EYS: variants seen among roughly 807,000 people sequenced by gnomAD.
EYS encodes EGF-like photoreceptor maintenance factor, also known as protein eyes shut homolog.
EYS carries 250 observed loss-of-function variants against 282.1 expected under a neutral mutation model. That is an observed-to-expected ratio of 0.89 (90% CI 0.80 to 0.98). The LOEUF is 0.98. Among genes scored for constraint, EYS ranks in the 50% least tolerant of loss-of-function variants. The pLI is 0.00. For synonymous variants in EYS, 1,355 were observed against 1,282.9 expected (o/e 1.06, Z -1.20); for missense variants, 4,016 against 3,709.0 (o/e 1.08, Z -2.15).
At chr6:65,464,842 G>A (rs1235559733) in intron 5 of EYS, among the ~76,000 whole-genome samples, 1 of 152,138 alleles carries the variant, frequency 6.6e-6, no homozygotes, top group East Asian at 1.9e-4. Flanking sequence ...CTTACCTTGT[G>A]TTCCACGTGT....
intron 14 of EYS, among the ~76,000 whole-genome samples, chr6:64,983,433 T>C (rs1189879256): frequency 2.0e-5 from 3 of 151,238 alleles, no homozygotes; most frequent in African/African-American, 7.3e-5. Context: ...ATAATAAATA[T>C]ATATAGCTTC....
intron 22 of EYS, among the ~76,000 whole-genome samples, chr6:64,723,275 C>T (rs537230603): frequency 1.3e-4 from 19 of 151,890 alleles, no homozygotes; most frequent in African/African-American, 3.1e-4. Context: ...AACAGGAAAA[C>T]GAGACAAATA....
At chr6:65,219,812 C>CAGGCAAGAGAGAATGAG (rs1319625463) in intron 12 of EYS, among the ~76,000 whole-genome samples, 1 of 152,030 alleles carries the variant, frequency 6.6e-6, no homozygotes, top group Non-Finnish European at 1.5e-5. Context: ...TACATGGCGG[C>CAGGCAAGAGAGAATGAG]AGGCAAGAGA....
chr6:65,280,863 A>AT (rs796107628), intron 12 of EYS, among the ~76,000 whole-genome samples: 3,225 of 134,758 alleles, frequency 0.024, 48 homozygotes, highest in Middle Eastern at 0.042. Context: ...ACTAAAAAAA[A>AT]AAATATATAT....
At chr6:65,330,716 C>G (rs1273944720) in intron 11 of EYS, 1 of 951,798 alleles carries the variant, frequency 1.1e-6, no homozygotes, top group Non-Finnish European at 1.3e-6. Flanking sequence ...ATTATTTTGC[C>G]TTATAAATTG....
At chr6:65,294,354 A>T (rs1768606070) in intron 12 of EYS, among the ~76,000 whole-genome samples, 1 of 151,968 alleles carries the variant, frequency 6.6e-6, no homozygotes. Flanking sequence ...GGAAAGAAAA[A>T]GACACAATAG....
At chr6:65,055,999 A>C (rs1332686000) in intron 13 of EYS, among the ~76,000 whole-genome samples, 1 of 152,070 alleles carries the variant, frequency 6.6e-6, no homozygotes, top group Non-Finnish European at 1.5e-5. Context: ...CCACTTCATT[A>C]AGTTCAAAGT....
At chr6:64,897,591 G>A (rs570790884) in intron 18 of EYS, among the ~76,000 whole-genome samples, 2 of 152,292 alleles carry the variant, frequency 1.3e-5, no homozygotes, top group South Asian at 4.1e-4. Context: ...AACAAAACTG[G>A]ATGGAGAATG....
intron 34 of EYS, among the ~76,000 whole-genome samples, chr6:63,990,516 G>C (rs932751367): frequency 2.0e-5 from 3 of 151,684 alleles, no homozygotes; most frequent in African/African-American, 7.3e-5. Flanking sequence ...GGAGCTGTTT[G>C]AGTGATTGGA....
intron 29 of EYS, among the ~76,000 whole-genome samples, chr6:64,348,182 C>T (rs895315740): frequency 6.6e-6 from 1 of 151,348 alleles, no homozygotes; most frequent in Non-Finnish European, 1.5e-5. Flanking sequence ...CTATTGAGCA[C>T]TATTATGCAC....
intron 15 of EYS, among the ~76,000 whole-genome samples, chr6:64,934,583 T>C (rs1768842980): frequency 6.6e-6 from 1 of 151,690 alleles, no homozygotes; most frequent in South Asian, 2.1e-4. Flanking sequence ...AGCCACCATG[T>C]AGATAAGAAA....
At chr6:65,698,247 A>T (rs1562335315) in intron 1 of EYS, among the ~76,000 whole-genome samples, 1 of 152,114 alleles carries the variant, frequency 6.6e-6, no homozygotes, top group Non-Finnish European at 1.5e-5. Flanking sequence ...AAAATTTGTA[A>T]ATTTTTTATT....
chr6:65,543,560 T>C (rs1307403433), intron 2 of EYS, among the ~76,000 whole-genome samples: 1 of 151,306 alleles, frequency 6.6e-6, no homozygotes, highest in Non-Finnish European at 1.5e-5. Flanking sequence ...TATCTCTTCA[T>C]AGAAAAGGGA....
At chr6:64,031,224 C>T (rs1327719963) in intron 33 of EYS, among the ~76,000 whole-genome samples, 2 of 152,184 alleles carry the variant, frequency 1.3e-5, no homozygotes, top group African/African-American at 4.8e-5. Flanking sequence ...TCTGGGTGGG[C>T]ATGGGCTTGG....
intron 13 of EYS, among the ~76,000 whole-genome samples, chr6:65,010,669 A>G (rs1771837620): frequency 6.6e-6 from 1 of 152,226 alleles, no homozygotes; most frequent in South Asian, 2.1e-4. Flanking sequence ...CCTTCACTGC[A>G]GGAACTAGTG....
intron 2 of EYS, among the ~76,000 whole-genome samples, chr6:65,618,085 G>A (rs1339637951): frequency 6.6e-6 from 1 of 152,136 alleles, no homozygotes; most frequent in Non-Finnish European, 1.5e-5. Context: ...GGATGGCTGG[G>A]TCAAATGGTA....
At chr6:65,231,217 T>C (rs1295402964) in intron 12 of EYS, among the ~76,000 whole-genome samples, 2 of 147,300 alleles carry the variant, frequency 1.4e-5, no homozygotes, top group Non-Finnish European at 3.0e-5. Flanking sequence ...TTTTCAGACA[T>C]ATATATCTGA....
chr6:64,628,048 C>T (rs1171698562), intron 22 of EYS, among the ~76,000 whole-genome samples: 1 of 152,170 alleles, frequency 6.6e-6, no homozygotes, highest in Non-Finnish European at 1.5e-5. Flanking sequence ...CCACTGCACT[C>T]CAGCCCGGGC....
In EYS at chr6:65,646,167, AAATC is replaced by A. The variant is rs202155713; in HGVS notation, c.-447-6279_-447-6276del. Among the ~76,000 whole-genome samples the A allele has an allele frequency of 7.6e-3, 1,162 of 152,218 alleles. 19 individuals are homozygous for A. Among genetic ancestry groups the A allele is most frequent in the African/African-American group, 0.027 (1,102 of 41,544 alleles). On this transcript the variant is annotated intron_variant, in intron 1 of 42. Coordinates refer to ENST00000503581, the MANE Select transcript of EYS (RefSeq NM_001142800.2). ...AGTAAAGAAAGACGGAATCCTCCCT[AAATC>A]ATTCTATAAAGCCAGTATCACCCTA...
Sources: gnomAD v4.1 joint callset for allele counts (sites outside exome capture counted in the v4.1 genomes callset) on GRCh38, gnomAD v4.1.1 for gene constraint, MANE v1.5 for transcripts, NCBI Gene and HGNC (gene_info 2026-07-23, HGNC 2026-07-21) for gene names.